The following ATP6V1F variants were observed in gnomAD, a reference collection of about 807,000 sequenced individuals.
ATP6V1F encodes the protein ATPase H+ transporting V1 subunit F.
ATP6V1F carries 4 observed loss-of-function variants against 6.6 expected under a neutral mutation model. That is an observed-to-expected ratio of 0.60 (90% CI 0.30 to 1.38). ATP6V1F has a LOEUF of 1.38. Ranked by LOEUF, ATP6V1F falls within the 40% of genes most tolerant of loss-of-function variation. The probability of loss-of-function intolerance (pLI) is 0.08; values close to 1 mark genes in which losing one functional copy is unlikely to be tolerated. For synonymous variants in ATP6V1F, 68 were observed against 66.9 expected (o/e 1.02, Z -0.08); for missense variants, 136 against 165.5 (o/e 0.82, Z 0.98).
At chr7:128,864,856 TATAG>T (rs202097416) in intron 1 of ATP6V1F, 5 of 427,670 alleles carry the variant, frequency 1.2e-5, no homozygotes, top group African/African-American at 4.2e-5. Flanking sequence ...TGTGTGTATA[TATAG>T]ATAGAGAGAG....
At position 128,862,882 on chromosome 7, in the gene ATP6V1F, G is replaced by C. The variant is rs1809295068; in HGVS notation, c.-23G>C. The C allele has an allele frequency of 6.4e-7, 1 of 1,561,358 alleles. No homozygotes were observed. Among genetic ancestry groups the C allele is most frequent in the Non-Finnish European group, 8.7e-7 (1 of 1,154,528 alleles). On this transcript the variant is annotated 5_prime_UTR_variant, in exon 1 of 2. Transcript: ENST00000249289. ...TTTCAGTGGCTTCTGGTGCTCTAGG[G>C]TGAGCTCTGCCCGGCTGCAGGGATG...
At chr7:128,864,615 T>C (rs1326993223) in intron 1 of ATP6V1F, among the ~76,000 whole-genome samples, 1 of 147,240 alleles carries the variant, frequency 6.8e-6, no homozygotes, top group African/African-American at 2.6e-5. Flanking sequence ...TTTTTTTTTT[T>C]CTGAGACAGG....
chr7:128,863,569 T>A (rs1276598029), intron 1 of ATP6V1F, among the ~76,000 whole-genome samples: 2 of 152,206 alleles, frequency 1.3e-5, no homozygotes, highest in Non-Finnish European at 2.9e-5. Flanking sequence ...CCTTGTAGTC[T>A]TGAGCACAGT....
At chr7:128,864,270 G>A (rs1345157060) in intron 1 of ATP6V1F, among the ~76,000 whole-genome samples, 1 of 151,686 alleles carries the variant, frequency 6.6e-6, no homozygotes, top group Non-Finnish European at 1.5e-5. Context: ...TTTGAACCTG[G>A]GAGGTGGAGA....
chr7:128,862,871 G>T lies in ATP6V1F; in HGVS notation c.-34G>T. The stretch of plus-strand genomic sequence containing the variant: ...CGGAGGCGGGGTTTCAGTGGCTTCT[G>T]GTGCTCTAGGGTGAGCTCTGCCCGG... On this transcript the variant is annotated 5_prime_UTR_variant, in exon 1 of 2. Coordinates refer to ENST00000249289, the MANE Select transcript of ATP6V1F (RefSeq NM_004231.4). 1.3e-6 allele frequency: 2 copies of T among 1,501,326 alleles called. No individual in the cohort carries two copies. The highest frequency in any genetic ancestry group is 1.8e-6 in the Non-Finnish European group (2 of 1,124,516). The allele number at this position is 1,501,326 out of a possible 1,614,324, so 93.0% of individuals were successfully genotyped here.
In ATP6V1F at chr7:128,865,105, A is replaced by G. The variant is rs1483025884; in HGVS notation, c.159-272A>G. The G allele has an allele frequency of 2.0e-6, 3 of 1,533,672 alleles. No individual in the cohort carries two copies. The highest frequency in any genetic ancestry group is 2.6e-6 in the Non-Finnish European group (3 of 1,144,686). ...GAATACACCAGTGTGCACCCTAATC[A>G]ATCTTCATTACCAGTTCACTTGGAA... On this transcript the variant is annotated intron_variant, in intron 1 of 1. Coordinates refer to ENST00000249289, the MANE Select transcript of ATP6V1F (RefSeq NM_004231.4). The surrounding 1 kb of genome is among the most constrained non-coding windows in gnomAD (Gnocchi z 4.4).
chr7:128,864,952 C>T, intron 1 of ATP6V1F: 1 of 639,904 alleles, frequency 1.6e-6, no homozygotes, highest in Non-Finnish European at 2.8e-6. Flanking sequence ...ATCCACCTGC[C>T]TCGGCCTCCC....
At position 128,865,333 on chromosome 7, in the gene ATP6V1F, G is replaced by C. The variant is rs554092313; in HGVS notation, c.159-44G>C. On this transcript the variant is annotated intron_variant, in intron 1 of 1. Coordinates refer to ENST00000249289, the MANE Select transcript of ATP6V1F (RefSeq NM_004231.4). This position sits in a 1 kb window ranked among gnomAD's most constrained non-coding sequence, Gnocchi z 4.4. ...GGCTGCCTGGGTAGGAGAGACGGCA[G>C]CCCCCAGAGCTGTCCTGGACTCCCT... 3 of 1,608,098 alleles carry C rather than the reference G, an allele frequency of 1.9e-6. No individual in the cohort carries two copies. In the South Asian group the frequency reaches 3.3e-5, roughly 18 times the overall value.
At chr7:128,864,350 TA>T (rs1182388778) in intron 1 of ATP6V1F, among the ~76,000 whole-genome samples, 2 of 151,846 alleles carry the variant, frequency 1.3e-5, no homozygotes, top group Non-Finnish European at 2.9e-5. Context: ...CTCAAAAAAA[TA>T]AAAATAAAAT....
chr7:128,862,953 G>A lies in ATP6V1F; in HGVS notation c.49G>A (p.Val17Met). The A allele has an allele frequency of 6.2e-7, 1 of 1,613,364 alleles. No homozygotes were observed. Among genetic ancestry groups the A allele is most frequent in the Non-Finnish European group, 8.5e-7 (1 of 1,179,650 alleles). Residue 17 changes from valine to methionine, a missense_variant, in exon 1 of 2, where the codon GTG (valine) becomes ATG (methionine). Transcript: ENST00000249289. ...LIAVIGDEDT[V>M]TGFLLGGIGE... ...CGCAGTGATCGGAGACGAGGACACGGTGACTGGTTTCCTGCTGGGCGGCAT... is the reference window on the plus strand; with the variant it reads ...CGCAGTGATCGGAGACGAGGACACGATGACTGGTTTCCTGCTGGGCGGCAT...
chr7:128,864,639 C>T (rs1457818161), intron 1 of ATP6V1F, among the ~76,000 whole-genome samples: 2 of 147,412 alleles, frequency 1.4e-5, no homozygotes, highest in African/African-American at 5.0e-5. Context: ...TCACTCCTGT[C>T]ACCCAGGCTG....
rs751768551 is a variant in ATP6V1F at position 128,865,476 on chromosome 7, C to T, written c.258C>T (p.Pro86=). 5.0e-6 allele frequency: 8 copies of T among 1,614,042 alleles called. No homozygotes were observed. The Admixed American group carries it at 8.3e-5, about 17-fold the overall frequency. ...TGGACGCCCACCAGCAGTCCATCCC[C>T]GCTGTCCTGGAGATCCCCTCCAAGG... ...HALDAHQQSI[P]AVLEIPSKEH... is the part of the protein sequence containing the mutation. The change falls in exon 2 of 2, where the codon CCC becomes CCT. Residue 86 remains proline (P), a synonymous_variant. Coordinates refer to ENST00000249289, the MANE Select transcript of ATP6V1F (RefSeq NM_004231.4). The surrounding 1 kb of genome is among the most constrained non-coding windows in gnomAD (Gnocchi z 4.4).
At chr7:128,863,371 C>G (rs992900726) in intron 1 of ATP6V1F, among the ~76,000 whole-genome samples, 24 of 152,190 alleles carry the variant, frequency 1.6e-4, no homozygotes, top group African/African-American at 2.7e-4. Flanking sequence ...ACCATCGTCC[C>G]GTAAGGCAGG....
Position 128,865,577 on chromosome 7 carries a change from A to AG in ATP6V1F, c.*3dup. The AG allele has an allele frequency of 6.2e-7, 1 of 1,613,154 alleles. No homozygotes were observed. The highest frequency in any genetic ancestry group is 1.1e-5 in the South Asian group (1 of 90,950). ...ATGTTCACTGCCGAAGACCTGCGCT[A>AG]GGGGACTCCTCATAGCCCTCAGCCC... ...RGMFTAEDLR[*] Residue 120 remains the stop codon, a frameshift_variant and stop_retained_variant, in exon 2 of 2, where the codon TAG becomes TAGG. Coordinates refer to ENST00000249289, the MANE Select transcript of ATP6V1F (RefSeq NM_004231.4). LOFTEE classifies it high-confidence loss of function. The surrounding 1 kb of genome is among the most constrained non-coding windows in gnomAD (Gnocchi z 4.4).
chr7:128,863,062 G>T lies in ATP6V1F; in HGVS notation c.158G>T (p.Arg53Leu), dbSNP rs776935044. Residue 53 changes from arginine (R) to leucine (L), a missense_variant and splice_region_variant, in exon 1 of 2, where the codon CGG becomes CTG. By Grantham distance (102) the Arg-to-Leu change is moderately radical (BLOSUM62 -2). Coordinates refer to ENST00000249289, the MANE Select transcript of ATP6V1F (RefSeq NM_004231.4). ...TTINEIEDTFRQFLNRDDIGI... is the reference protein window; with the variant it reads ...TTINEIEDTFLQFLNRDDIGI... ...ATCAATGAGATCGAAGACACTTTCC[G>T]GTACGGTACCGCGCGAGGCCTGAAC... 3.1e-6 allele frequency: 5 copies of T among 1,610,610 alleles called. No individual in the cohort carries two copies. Among genetic ancestry groups the T allele is most frequent in the Non-Finnish European group, 4.2e-6 (5 of 1,178,560 alleles).
At chr7:128,863,960 A>G (rs988625617) in intron 1 of ATP6V1F, among the ~76,000 whole-genome samples, 1 of 152,204 alleles carries the variant, frequency 6.6e-6, no homozygotes, top group African/African-American at 2.4e-5. Flanking sequence ...AGAATTTTTT[A>G]TGTTTCCAAC....
At position 128,865,756 on chromosome 7, in the gene ATP6V1F, G is replaced by A. The variant is rs1378502685; in HGVS notation, c.*178G>A. 8.0e-5 allele frequency: 51 copies of A among 635,122 alleles called. No homozygotes were observed. The highest frequency in any genetic ancestry group is 7.6e-5 in the Non-Finnish European group (28 of 369,270). 39.3% of individuals were successfully genotyped at this position (635,122 alleles called of 1,614,324 possible). On this transcript the variant is annotated 3_prime_UTR_variant, in exon 2 of 2. Coordinates refer to ENST00000249289, the MANE Select transcript of ATP6V1F (RefSeq NM_004231.4). This position sits in a 1 kb window ranked among gnomAD's most constrained non-coding sequence, Gnocchi z 4.4. ...GGCTCTGCTGGTTAAGGAACAGGAA[G>A]CCTGACCATCTCCCTCCACTACCTC... is the stretch of plus-strand genomic sequence containing the variant.
intron 1 of ATP6V1F, chr7:128,864,768 G>T: frequency 5.0e-6 from 1 of 201,380 alleles, no homozygotes; most frequent in Non-Finnish European, 1.0e-5. Context: ...GGCACATGCC[G>T]CCACATCCAG....
intron 1 of ATP6V1F, chr7:128,864,890 T>C: frequency 5.9e-6 from 3 of 511,078 alleles, no homozygotes; most frequent in African/African-American, 3.9e-5. Context: ...GAGAGGGAGA[T>C]GGGGGTCTCA....
Sources: allele counts gnomAD v4.1 joint callset (sites outside exome capture counted in the v4.1 genomes callset), GRCh38; gene constraint gnomAD v4.1.1; non-coding constraint Gnocchi (gnomAD v3.1); transcripts MANE v1.5; gene names NCBI Gene and HGNC (gene_info 2026-07-23, HGNC 2026-07-21).